The following DAPP1 variants were observed in gnomAD, a reference collection of about 807,000 sequenced individuals.
DAPP1 encodes the protein dual adapter for phosphotyrosine and 3-phosphotyrosine and 3-phosphoinositide.
Under a neutral mutation model 41.5 loss-of-function variants are expected in DAPP1, and 20 were observed. The ratio of observed to expected loss-of-function variants is 0.48; its 90% CI spans 0.34 to 0.70. The LOEUF (loss-of-function observed/expected upper bound fraction) is 0.70. Ranked by LOEUF, DAPP1 falls within the 30% of genes least tolerant of loss-of-function variation. DAPP1 has a pLI of 0.01. For synonymous variants in DAPP1, 113 were observed against 116.2 expected (o/e 0.97, Z 0.18); for missense variants, 233 against 333.4 (o/e 0.70, Z 2.35).
chr4:99,830,657 A>G (rs1206890603), intron 1 of DAPP1, among the ~76,000 whole-genome samples: 2 of 151,940 alleles, frequency 1.3e-5, no homozygotes, highest in East Asian at 3.9e-4. Flanking sequence ...GCATTCTCTC[A>G]CTTCTAGGCC....
chr4:99,842,042 T>C (rs1293088844), intron 3 of DAPP1, among the ~76,000 whole-genome samples: 1 of 152,216 alleles, frequency 6.6e-6, no homozygotes, highest in Non-Finnish European at 1.5e-5. Context: ...ACATTTAAGA[T>C]CAAAGTGAAG....
At chr4:99,845,913 G>A (rs553320230) in intron 3 of DAPP1, among the ~76,000 whole-genome samples, 15 of 152,208 alleles carry the variant, frequency 9.9e-5, no homozygotes, top group Admixed American at 9.8e-4. Context: ...GAAAATGAGA[G>A]GTAAGATCAA....
chr4:99,846,930 T>TA (rs1318201708), intron 3 of DAPP1, among the ~76,000 whole-genome samples: 1 of 152,194 alleles, frequency 6.6e-6, no homozygotes, highest in African/African-American at 2.4e-5. Context: ...AGATCTTGAA[T>TA]AACCCTATTC....
At chr4:99,872,004 G>C (rs562957335), downstream of DAPP1, among the ~76,000 whole-genome samples, 9 of 152,332 alleles carry the variant, frequency 5.9e-5, no homozygotes, top group South Asian at 1.9e-3. Context: ...ACAATGGCCA[G>C]GGTTGTGGGG....
chr4:99,824,821 A>G (rs1016274771), intron 1 of DAPP1, among the ~76,000 whole-genome samples: 4 of 152,144 alleles, frequency 2.6e-5, no homozygotes. Flanking sequence ...TTCCAATCCA[A>G]ATAAAATGTT....
chr4:99,840,170 T>C, intron 2 of DAPP1, 119 bp from the exon 3 acceptor site: 2 of 601,930 alleles, frequency 3.3e-6, no homozygotes, highest in African/African-American at 1.9e-5. Flanking sequence ...GTTTCAATGA[T>C]TGCCTAATTC....
At chr4:99,818,263 C>T (rs972150643) in intron 1 of DAPP1, among the ~76,000 whole-genome samples, 1 of 152,144 alleles carries the variant, frequency 6.6e-6, no homozygotes, top group African/African-American at 2.4e-5. Context: ...ATTGAATCCC[C>T]AAACAGAAGA....
chr4:99,825,928 A>G (rs1051832726), intron 1 of DAPP1, among the ~76,000 whole-genome samples: 2 of 152,226 alleles, frequency 1.3e-5, no homozygotes, highest in African/African-American at 4.8e-5. Context: ...TGAGTTACAT[A>G]AGACACCCTA....
chr4:99,834,415 T>G (rs888808665), intron 1 of DAPP1, among the ~76,000 whole-genome samples: 1 of 152,034 alleles, frequency 6.6e-6, no homozygotes, highest in South Asian at 2.1e-4. Flanking sequence ...ACCATAGATA[T>G]ATATTACCTT....
At chr4:99,859,380 T>C (rs1724159974) in intron 4 of DAPP1, among the ~76,000 whole-genome samples, 1 of 152,214 alleles carries the variant, frequency 6.6e-6, no homozygotes, top group African/African-American at 2.4e-5. Context: ...CTAGGTACTA[T>C]GTGCTTATTG....
chr4:99,836,270 A>G (rs545084544), intron 2 of DAPP1, among the ~76,000 whole-genome samples: 2 of 152,288 alleles, frequency 1.3e-5, no homozygotes, highest in African/African-American at 4.8e-5. Flanking sequence ...AGTCCCCACC[A>G]GGTTCATACA....
chr4:99,848,642 G>A (rs769169647), intron 3 of DAPP1, among the ~76,000 whole-genome samples: 3 of 152,174 alleles, frequency 2.0e-5, no homozygotes, highest in Non-Finnish European at 4.4e-5. Context: ...GCAAGTCTGA[G>A]GCTTTCAGTC....
At chr4:99,825,101 C>T (rs1267709293) in intron 1 of DAPP1, among the ~76,000 whole-genome samples, 1 of 152,210 alleles carries the variant, frequency 6.6e-6, no homozygotes, top group Non-Finnish European at 1.5e-5. Context: ...GCCCCTGTCT[C>T]CTGGATCACT....
chr4:99,842,002 T>C (rs1723510090), intron 3 of DAPP1, among the ~76,000 whole-genome samples: 2 of 152,236 alleles, frequency 1.3e-5, no homozygotes, highest in African/African-American at 4.8e-5. Flanking sequence ...AGGGAAAAGA[T>C]ACATATTCTG....
rs1227548559 is a variant in DAPP1 at position 99,866,440 on chromosome 4, G to A, written c.774+319G>A. 9 of 707,740 alleles carry A rather than the reference G, an allele frequency of 1.3e-5. No homozygotes were observed. The Admixed American group carries it at 1.9e-4, about 15-fold the overall frequency. The allele number at this position is 707,740 out of a possible 1,614,324, so 43.8% of individuals were successfully genotyped here. ...GGAGGGGGACATTTAGAACCAGAAG[G>A]TCTGACAGAGGAAAGCTGACATACT... On this transcript the variant is annotated intron_variant, in intron 8 of 8. Transcript: ENST00000512369.
chr4:99,872,272 T>A (rs1468975612), downstream of DAPP1, among the ~76,000 whole-genome samples: 1 of 152,154 alleles, frequency 6.6e-6, no homozygotes, highest in African/African-American at 2.4e-5. Flanking sequence ...CTTGAAGATA[T>A]TGCAGGTTTG....
intron 1 of DAPP1, among the ~76,000 whole-genome samples, chr4:99,824,888 T>C (rs1409079310): frequency 6.6e-6 from 1 of 152,182 alleles, no homozygotes; most frequent in Non-Finnish European, 1.5e-5. Context: ...CAGCCATTCC[T>C]GTACTGTGAA....
At position 99,863,030 on chromosome 4, in the gene DAPP1, T is replaced by A. The variant is rs1450903455; in HGVS notation, c.558T>A (p.Phe186Leu). ...GLVKTWKTRW[F>L]TLHRNELKYF... ...CTCAGACCTGGAAAACAAGATGGTTTACTCTGCACAGGAATGAACTGAAAT... is the reference window on the plus strand; with the variant it reads ...CTCAGACCTGGAAAACAAGATGGTTAACTCTGCACAGGAATGAACTGAAAT... Residue 186 changes from phenylalanine (F) to leucine (L), a missense_variant, in exon 6 of 9, where the codon TTT becomes TTA. By Grantham distance (22) the Phe-to-Leu change is conservative. Transcript: ENST00000512369. 6.3e-7 allele frequency: 1 copy of A among 1,592,812 alleles called. No individual in the cohort carries two copies. The highest frequency in any genetic ancestry group is 8.5e-7 in the Non-Finnish European group (1 of 1,173,460).
chr4:99,866,418 G>A (rs926040462), intron 8 of DAPP1: 4 of 684,420 alleles, frequency 5.8e-6, no homozygotes, highest in Non-Finnish European at 1.1e-5. Flanking sequence ...TTTGTCTGGA[G>A]GGGGACATTT....
Sources: allele counts gnomAD v4.1 joint callset (sites outside exome capture counted in the v4.1 genomes callset), GRCh38; gene constraint gnomAD v4.1.1; transcripts MANE v1.5; gene names NCBI Gene and HGNC (gene_info 2026-07-23, HGNC 2026-07-21).